Variants in SMOC1 observed in about 807,000 individuals in gnomAD.
SMOC1 encodes the protein SPARC-related modular calcium-binding protein 1.
A neutral mutation model predicts 56.3 loss-of-function variants in SMOC1; 22 were observed. The ratio of observed to expected loss-of-function variants is 0.39; its 90% CI spans 0.28 to 0.56. The LOEUF (loss-of-function observed/expected upper bound fraction) is 0.56. Among genes scored for constraint, SMOC1 ranks in the 20% least tolerant of loss-of-function variants. SMOC1 has a pLI of 0.61. For missense variants in SMOC1, 509 were observed against 565.4 expected (o/e 0.90, Z 1.01); for synonymous variants, 193 against 215.0 (o/e 0.90, Z 0.89).
In SMOC1 at chr14:69,939,697, A is replaced by G. The variant is rs567599075; in HGVS notation, c.100-12441A>G. ...TATTTCCATTTCTCTTCTGTCTGTG[A>G]TTATACAATAGTGCCACATTCACAT... On this transcript the variant is annotated intron_variant, in intron 1 of 11. Transcript: ENST00000361956. Among the ~76,000 whole-genome samples, 94 of 152,308 alleles carry G rather than the reference A, an allele frequency of 6.2e-4. 2 individuals are homozygous for G. Among genetic ancestry groups the G allele is most frequent in the African/African-American group, 2.2e-3 (92 of 41,562 alleles).
At position 70,023,381 on chromosome 14, in the gene SMOC1, G is replaced by A. The variant is rs776868470; in HGVS notation, c.1225G>A (p.Asp409Asn). 1.2e-6 allele frequency: 2 copies of A among 1,614,136 alleles called. No individual in the cohort carries two copies. The highest frequency in any genetic ancestry group is 1.7e-6 in the Non-Finnish European group (2 of 1,180,042). ...KCARRFTDYCDLNKDKVISLP... is the reference protein window; with the variant it reads ...KCARRFTDYCNLNKDKVISLP... Reference sequence around the variant, plus strand: ...TGCCCGGCGTTTCACCGACTACTGTGACCTGAACAAAGACAAGGTCATTTC... The same window carrying A: ...TGCCCGGCGTTTCACCGACTACTGTAACCTGAACAAAGACAAGGTCATTTC... The change falls in exon 11 of 12, where the codon GAC becomes AAC. Residue 409 changes from aspartate to asparagine, a missense_variant. Asp to Asn is a conservative substitution (Grantham distance 23). Coordinates refer to ENST00000361956, the MANE Select transcript of SMOC1 (RefSeq NM_001034852.3).
chr14:69,926,970 ATTAACTGAGTAC>A (rs1343292808), intron 1 of SMOC1, among the ~76,000 whole-genome samples: 1 of 152,254 alleles, frequency 6.6e-6, no homozygotes, highest in Non-Finnish European at 1.5e-5. Context: ...AGTGGCTCAC[ATTAACTGAGTAC>A]TCAACCCGTG....
chr14:69,995,524 A>T (rs952673890), intron 7 of SMOC1, among the ~76,000 whole-genome samples: 8 of 152,224 alleles, frequency 5.3e-5, no homozygotes, highest in African/African-American at 1.7e-4. Context: ...CTTTGACAGA[A>T]TAGTGCAGTG....
intron 3 of SMOC1, among the ~76,000 whole-genome samples, chr14:69,962,991 G>A (rs1006096466): frequency 2.0e-5 from 3 of 152,096 alleles, no homozygotes; most frequent in Non-Finnish European, 1.5e-5. Flanking sequence ...TGAAAAGACT[G>A]TTTTTCCATC....
Position 70,026,425 on chromosome 14 carries a change from C to G in SMOC1, c.1291+2978C>G, listed in dbSNP as rs561816419. On this transcript the variant is annotated intron_variant, in intron 11 of 11. Coordinates refer to ENST00000361956, the MANE Select transcript of SMOC1 (RefSeq NM_001034852.3). ...GACTCCTCCTAGCCTTCCTCTGAAGCCTTTCCAGGCACCAGGTGTCTGCCA... is the reference window on the plus strand; with the variant it reads ...GACTCCTCCTAGCCTTCCTCTGAAGGCTTTCCAGGCACCAGGTGTCTGCCA... 2.6e-5 allele frequency among the ~76,000 whole-genome samples: 4 copies of G among 152,330 alleles called. No individual in the cohort carries two copies. In the South Asian group the frequency reaches 8.3e-4, roughly 32 times the overall value.
At chr14:69,979,308 G>T (rs919343726) in intron 5 of SMOC1, among the ~76,000 whole-genome samples, 3 of 152,164 alleles carry the variant, frequency 2.0e-5, no homozygotes, top group African/African-American at 7.2e-5. Flanking sequence ...AAGAAGATGT[G>T]GAAGTGGAAC....
intron 1 of SMOC1, among the ~76,000 whole-genome samples, chr14:69,936,242 C>G (rs1566679905): frequency 6.6e-6 from 1 of 152,202 alleles, no homozygotes; most frequent in Non-Finnish European, 1.5e-5. Context: ...TATCACAGCA[C>G]CACTTTGGCT....
chr14:69,884,450 A>G (rs1883738993), intron 1 of SMOC1, among the ~76,000 whole-genome samples: 1 of 151,986 alleles, frequency 6.6e-6, no homozygotes, highest in Non-Finnish European at 1.5e-5. Context: ...GAAGCTTTTT[A>G]GTTTGGTATA....
chr14:69,943,564 G>A (rs571757079), intron 1 of SMOC1, among the ~76,000 whole-genome samples: 91 of 152,344 alleles, frequency 6.0e-4, no homozygotes, highest in Non-Finnish European at 9.6e-4. Flanking sequence ...GGTGAAGGAC[G>A]TGGTGAGAGG....
chr14:69,897,145 C>G (rs1189713829), intron 1 of SMOC1, among the ~76,000 whole-genome samples: 1 of 152,172 alleles, frequency 6.6e-6, no homozygotes, highest in Non-Finnish European at 1.5e-5. Context: ...CTGGCCCCCC[C>G]TCCTCTCAAC....
intron 1 of SMOC1, among the ~76,000 whole-genome samples, chr14:69,894,365 A>T (rs920929787): frequency 1.3e-5 from 2 of 152,214 alleles, no homozygotes; most frequent in Non-Finnish European, 2.9e-5. Context: ...GAGAGTCTTC[A>T]TTCCTAGATG....
At chr14:69,949,214 A>G (rs1057240056) in intron 1 of SMOC1, among the ~76,000 whole-genome samples, 1 of 152,158 alleles carries the variant, frequency 6.6e-6, no homozygotes, top group African/African-American at 2.4e-5. Context: ...ATGGGAGAAC[A>G]TGGCTGAGGA....
intron 7 of SMOC1, among the ~76,000 whole-genome samples, chr14:70,001,630 G>A (rs1204950509): frequency 2.0e-5 from 3 of 152,118 alleles, no homozygotes; most frequent in Non-Finnish European, 4.4e-5. Context: ...TGAGGAGACG[G>A]GTCATTCACA....
intron 5 of SMOC1, 62 bp downstream of exon 5, chr14:69,978,027 C>T (rs935836284): frequency 7.3e-7 from 1 of 1,366,902 alleles, no homozygotes; most frequent in African/African-American, 1.4e-5. Context: ...AGCAGGATTT[C>T]TTAGATGAGA....
chr14:69,991,657 C>G (rs115760015), intron 5 of SMOC1, among the ~76,000 whole-genome samples: 1,642 of 152,268 alleles, frequency 0.011, 37 homozygotes, highest in African/African-American at 0.038. Flanking sequence ...GACTTTGTTA[C>G]TGGGAGCTCC....
intron 1 of SMOC1, among the ~76,000 whole-genome samples, chr14:69,893,032 G>A (rs902073159): frequency 6.6e-6 from 1 of 152,084 alleles, no homozygotes; most frequent in African/African-American, 2.4e-5. Context: ...TATTTGTTGA[G>A]TAAACAGGTC....
intron 4 of SMOC1, among the ~76,000 whole-genome samples, chr14:69,977,638 G>A (rs1340236069): frequency 3.3e-5 from 5 of 152,200 alleles, no homozygotes; most frequent in Admixed American, 3.3e-4. Context: ...GGAGTTATAT[G>A]AGTGTGGAAT....
intron 1 of SMOC1, among the ~76,000 whole-genome samples, chr14:69,946,648 C>T (rs755568635): frequency 2.6e-5 from 4 of 152,174 alleles, no homozygotes; most frequent in South Asian, 2.1e-4. Context: ...TTCCACCAAC[C>T]GTGATTGCTC....
intron 1 of SMOC1, among the ~76,000 whole-genome samples, chr14:69,941,278 C>T (rs1882550767): frequency 6.6e-6 from 1 of 152,154 alleles, no homozygotes; most frequent in Non-Finnish European, 1.5e-5. Context: ...TCCAGTTGGT[C>T]CAGATTCCAC....
Sources: allele counts gnomAD v4.1 joint callset (sites outside exome capture counted in the v4.1 genomes callset), GRCh38; gene constraint gnomAD v4.1.1; transcripts MANE v1.5; gene names NCBI Gene and HGNC (gene_info 2026-07-23, HGNC 2026-07-21).